Variants in MYO10 observed in about 807,000 individuals in gnomAD.
MYO10 encodes unconventional myosin-X.
MYO10 carries 133 observed loss-of-function variants against 257.3 expected under a neutral mutation model. The ratio of observed to expected loss-of-function variants is 0.52; its 90% CI spans 0.45 to 0.60. The LOEUF (loss-of-function observed/expected upper bound fraction) is 0.60, where lower values mean the gene tolerates loss of function less well. Among genes scored for constraint, MYO10 ranks in the 20% least tolerant of loss-of-function variants. The pLI is 0.00. For synonymous variants in MYO10, 1,104 were observed against 1,028.6 expected (o/e 1.07, Z -1.40); for missense variants, 2,399 against 2,635.7 (o/e 0.91, Z 1.97).
At position 16,794,789 on chromosome 5, in the gene MYO10, G is replaced by A. The variant is rs1741882677; in HGVS notation, c.324C>T (p.Pro108=). 6.3e-7 allele frequency: 1 copy of A among 1,595,712 alleles called. No homozygotes were observed. Among genetic ancestry groups the A allele is most frequent in the Non-Finnish European group, 8.5e-7 (1 of 1,170,910 alleles). The part of the protein sequence containing the change: ...SILASVNPYQ[P]IAGLYEPATM... ...TGGCAGGCTCGTACAGCCCGGCGAT[G>A]GGCTGGTAGGGGTTCACGGAGGCCA... Residue 108 remains proline, a synonymous_variant, in exon 4 of 41, where the codon CCC becomes CCT. Transcript: ENST00000513610.
At chr5:16,825,829 A>G (rs1742983240) in intron 2 of MYO10, among the ~76,000 whole-genome samples, 1 of 152,182 alleles carries the variant, frequency 6.6e-6, no homozygotes, top group African/African-American at 2.4e-5. Context: ...AGCCTGGACA[A>G]GACAGCGAGA....
At chr5:16,711,689 G>A (rs558200547) in intron 19 of MYO10, among the ~76,000 whole-genome samples, 1 of 152,208 alleles carries the variant, frequency 6.6e-6, no homozygotes, top group Admixed American at 6.5e-5. Flanking sequence ...GGCTGAGGCA[G>A]GAGAATTGCT....
At chr5:16,878,463 T>A (rs944289423) in intron 1 of MYO10, among the ~76,000 whole-genome samples, 4 of 152,242 alleles carry the variant, frequency 2.6e-5, no homozygotes, top group Non-Finnish European at 5.9e-5. Context: ...TTTTTTGGCA[T>A]TGATCTCATT....
intron 6 of MYO10, 94 bp downstream of exon 6, chr5:16,781,611 T>G (rs997100683): frequency 7.9e-7 from 1 of 1,269,142 alleles, no homozygotes; most frequent in Admixed American, 2.4e-5. Context: ...GAGAAAGAAA[T>G]GTTTCACATT....
chr5:16,707,994 T>C (rs1738422827), intron 21 of MYO10, among the ~76,000 whole-genome samples: 1 of 152,220 alleles, frequency 6.6e-6, no homozygotes, highest in African/African-American at 2.4e-5. Flanking sequence ...TTTGAGGCTT[T>C]AAACAGAAAG....
intron 1 of MYO10, among the ~76,000 whole-genome samples, chr5:16,893,057 C>A (rs988605679): frequency 6.6e-6 from 1 of 151,692 alleles, no homozygotes; most frequent in African/African-American, 2.4e-5. Flanking sequence ...ATTAGCCGGG[C>A]GTGGTGGCGG....
intron 9 of MYO10, among the ~76,000 whole-genome samples, chr5:16,773,843 CTTCTT>C (rs1323829107): frequency 6.6e-6 from 1 of 151,976 alleles, no homozygotes; most frequent in Non-Finnish European, 1.5e-5. Flanking sequence ...AATTTGTGGA[CTTCTT>C]TGCTTTCTAG....
chr5:16,836,817 A>G (rs879079241), intron 2 of MYO10, among the ~76,000 whole-genome samples: 1 of 152,232 alleles, frequency 6.6e-6, no homozygotes, highest in Non-Finnish European at 1.5e-5. Context: ...TACAGTTACC[A>G]TATGATCCAG....
chr5:16,764,924 G>A (rs554828775), intron 11 of MYO10, among the ~76,000 whole-genome samples: 9 of 152,176 alleles, frequency 5.9e-5, no homozygotes, highest in Admixed American at 5.9e-4. Flanking sequence ...CCTGACCTCA[G>A]GTGATCTGCC....
chr5:16,898,468 A>G (rs1206910305), intron 1 of MYO10, among the ~76,000 whole-genome samples: 1 of 145,486 alleles, frequency 6.9e-6, no homozygotes, highest in Non-Finnish European at 1.5e-5. Flanking sequence ...GCTGGAGTGC[A>G]GTGGCGTGAT....
intron 31 of MYO10, 27 bp from the exon 32 acceptor site, chr5:16,681,530 TAAAATC>T: frequency 6.3e-7 from 1 of 1,578,030 alleles, no homozygotes; most frequent in South Asian, 1.2e-5. Context: ...AAGTGTAAAT[TAAAATC>T]TGTGAGGAGA....
intron 26 of MYO10, among the ~76,000 whole-genome samples, chr5:16,696,837 CAG>C (rs1289089389): frequency 7.9e-6 from 1 of 126,938 alleles, no homozygotes; most frequent in African/African-American, 3.1e-5. Context: ...GCCTGGGTGA[CAG>C]AGCGAGACTC....
Position 16,665,954 on chromosome 5 carries a change from C to T in MYO10, c.*738G>A, listed in dbSNP as rs1736145657. 1 of 152,488 alleles carries T rather than the reference C, an allele frequency of 6.6e-6. No homozygotes were observed. The highest frequency in any genetic ancestry group is 6.6e-5 in the Admixed American group (1 of 15,260). 9.4% of individuals were successfully genotyped at this position (152,488 alleles called of 1,614,324 possible). A position where few individuals can be genotyped will look rare whatever the true frequency, so the allele number is the denominator to read the frequency against. ...CAGGATTTGGGTTTGTTAATAAAACCACCTTATAAAGTAACAATTGAGACT... is the reference window on the plus strand; with the variant it reads ...CAGGATTTGGGTTTGTTAATAAAACTACCTTATAAAGTAACAATTGAGACT... On this transcript the variant is annotated 3_prime_UTR_variant, in exon 41 of 41. Coordinates refer to ENST00000513610, the MANE Select transcript of MYO10 (RefSeq NM_012334.3).
intron 2 of MYO10, among the ~76,000 whole-genome samples, chr5:16,845,760 T>C (rs1457596136): frequency 6.6e-6 from 1 of 152,082 alleles, no homozygotes; most frequent in East Asian, 1.9e-4. Context: ...GGTCAAGATA[T>C]TGAGACCATC....
chr5:16,698,650 G>A (rs1370344244), intron 26 of MYO10, among the ~76,000 whole-genome samples: 4 of 85,876 alleles, frequency 4.7e-5, no homozygotes, highest in African/African-American at 7.0e-5. Flanking sequence ...TTGAGACAGC[G>A]TCTGGCTCTG....
intron 15 of MYO10, 30 bp from the exon 16 acceptor site, chr5:16,762,143 A>AAAAAAAATATATATAT (rs370443366): frequency 9.5e-7 from 1 of 1,055,752 alleles, no homozygotes; most frequent in African/African-American, 1.6e-5. Context: ...AAAAAAAAAA[A>AAAAAAAATATATATAT]ATACAATGCC....
intron 19 of MYO10, among the ~76,000 whole-genome samples, chr5:16,724,274 G>A (rs1739268490): frequency 6.6e-6 from 1 of 152,108 alleles, no homozygotes. Context: ...CAGGGGTATG[G>A]AGTCACAACT....
rs941668434 is a variant in MYO10, at chr5:16,750,323, G to A, written c.1929+4505C>T. Among the ~76,000 whole-genome samples, 7 of 151,978 alleles carry A rather than the reference G, an allele frequency of 4.6e-5. No individual in the cohort carries two copies. In the South Asian group the frequency reaches 1.0e-3, roughly 23 times the overall value. ...AAAAAGCCCACATATTGTGACAGCC[G>A]AATTGACATATGCGTTCAGCATTTC... On this transcript the variant is annotated intron_variant, in intron 19 of 40. Transcript: ENST00000513610.
chr5:16,774,947 C>T (rs1394843932), intron 9 of MYO10, among the ~76,000 whole-genome samples: 1 of 151,352 alleles, frequency 6.6e-6, no homozygotes, highest in Non-Finnish European at 1.5e-5. Context: ...CACAGATATA[C>T]CCAGGAAGGT....
Sources: gnomAD v4.1 joint callset for allele counts (sites outside exome capture counted in the v4.1 genomes callset) on GRCh38, gnomAD v4.1.1 for gene constraint, MANE v1.5 for transcripts, NCBI Gene and HGNC (gene_info 2026-07-23, HGNC 2026-07-21) for gene names.